The following DUSP22 variants were observed in gnomAD, a reference collection of about 807,000 sequenced individuals.
The protein encoded by DUSP22 is dual specificity protein phosphatase 22.
A neutral mutation model predicts 24.5 loss-of-function variants in DUSP22; 24 were observed. That is an observed-to-expected ratio of 0.98 (90% CI 0.71 to 1.38). The LOEUF is 1.38. Ranked by LOEUF, DUSP22 falls within the 40% of genes most tolerant of loss-of-function variation. DUSP22 has a pLI of 0.00. For synonymous variants in DUSP22, 160 were observed against 106.4 expected, an observed-to-expected ratio of 1.50 and a Z score of -3.10; for missense variants, 330 against 269.2, an observed-to-expected ratio of 1.23 and a Z score of -1.58.
chr6:335,586 A>G (rs1026674877), intron 4 of DUSP22, among the ~76,000 whole-genome samples: 6 of 152,306 alleles, frequency 3.9e-5, no homozygotes, highest in African/African-American at 1.2e-4. Context: ...TAAACAGCAA[A>G]CAGAAACAGA....
At chr6:306,653 A>G (rs1757824700) in intron 2 of DUSP22, among the ~76,000 whole-genome samples, 1 of 152,310 alleles carries the variant, frequency 6.6e-6, no homozygotes, top group African/African-American at 2.4e-5. Context: ...AAGGAATGAG[A>G]GTACAGTGAA....
chr6:304,361 C>G (rs761337869), intron 1 of DUSP22, among the ~76,000 whole-genome samples: 2 of 152,428 alleles, frequency 1.3e-5, no homozygotes, highest in African/African-American at 4.8e-5. Flanking sequence ...GACTTGGACC[C>G]TCAGAATGCC....
At chr6:321,216 T>C (rs956262566) in intron 3 of DUSP22, among the ~76,000 whole-genome samples, 2 of 152,308 alleles carry the variant, frequency 1.3e-5, no homozygotes, top group Non-Finnish European at 2.9e-5. Context: ...GGATGGGGCA[T>C]GCAAGGGAAG....
intron 3 of DUSP22, among the ~76,000 whole-genome samples, chr6:322,830 T>C (rs1052616731): frequency 5.3e-5 from 1 of 18,798 alleles, no homozygotes; most frequent in Non-Finnish European, 1.1e-4. Context: ...GGCTGCTTGG[T>C]GGGGCGGGGG....
chr6:330,281 C>G (rs144753382), intron 3 of DUSP22, among the ~76,000 whole-genome samples: 1 of 152,308 alleles, frequency 6.6e-6, no homozygotes, highest in African/African-American at 2.4e-5. Flanking sequence ...TGCTCTCCCC[C>G]TCCTTGTGTT....
At chr6:308,743 A>G (rs1757937793) in intron 2 of DUSP22, among the ~76,000 whole-genome samples, 2 of 152,430 alleles carry the variant, frequency 1.3e-5, no homozygotes, top group African/African-American at 2.4e-5. Flanking sequence ...GTATGAAACC[A>G]TTGAATCATA....
At chr6:337,800 T>C (rs1019383721) in intron 4 of DUSP22, among the ~76,000 whole-genome samples, 8 of 152,304 alleles carry the variant, frequency 5.3e-5, no homozygotes, top group African/African-American at 1.7e-4. Flanking sequence ...AGTTCTCTCC[T>C]ATCCCAAATA....
At chr6:343,730 G>C (rs1235306218) in intron 4 of DUSP22, among the ~76,000 whole-genome samples, 1 of 18,332 alleles carries the variant, frequency 5.5e-5, no homozygotes, top group East Asian at 1.2e-3. Flanking sequence ...GACAGTTGCT[G>C]CTGTTCCCTG....
intron 5 of DUSP22, among the ~76,000 whole-genome samples, chr6:347,566 G>T (rs1759942426): frequency 6.6e-6 from 1 of 152,304 alleles, no homozygotes; most frequent in African/African-American, 2.4e-5. Context: ...CAGTGTGCCT[G>T]CTCTGTACTC....
Position 349,208 on chromosome 6 carries a change from CGTGT to C in DUSP22, c.*263_*266del, listed in dbSNP as rs1348180164. Reference sequence around the variant, plus strand: ...GGCTGTGCACTGCTCTGTGCACGTGCGTGTGTGTGAGTGCACTTGTGTGTGGGTG... The same window carrying C: ...GGCTGTGCACTGCTCTGTGCACGTGCGTGTGAGTGCACTTGTGTGTGGGTG... On this transcript the variant is annotated 3_prime_UTR_variant, in exon 7 of 7. Coordinates refer to ENST00000419235, the MANE Select transcript of DUSP22 (RefSeq NM_001286555.3). The C allele has an allele frequency of 3.1e-4, 434 of 1,396,928 alleles. No individual in the cohort carries two copies. In the African/African-American group the frequency reaches 5.4e-3, roughly 17 times the overall value. 86.5% of individuals were successfully genotyped at this position (1,396,928 alleles called of 1,614,324 possible).
At position 350,815 on chromosome 6, in the gene DUSP22, T is replaced by G; in HGVS notation, c.*1864T>G. Reference sequence around the variant, plus strand: ...TATTTGTTGCCAGTAATGTTCTTTCTTCACAGCCGCTCCGGGAATTCTGAA... The same window carrying G: ...TATTTGTTGCCAGTAATGTTCTTTCGTCACAGCCGCTCCGGGAATTCTGAA... On this transcript the variant is annotated 3_prime_UTR_variant, in exon 7 of 7. Coordinates refer to ENST00000419235, the MANE Select transcript of DUSP22 (RefSeq NM_001286555.3). The G allele has an allele frequency of 6.2e-7, 1 of 1,614,282 alleles. No individual in the cohort carries two copies. The highest frequency in any genetic ancestry group is 8.5e-7 in the Non-Finnish European group (1 of 1,180,036).
intron 5 of DUSP22, among the ~76,000 whole-genome samples, chr6:347,834 G>A (rs894011606): frequency 2.0e-5 from 3 of 152,306 alleles, no homozygotes; most frequent in Non-Finnish European, 4.4e-5. Context: ...TGAGGAGCAA[G>A]GGAGCATCTG....
At position 349,556 on chromosome 6, in the gene DUSP22, C is replaced by G. The variant is rs1044913908; in HGVS notation, c.*605C>G. On this transcript the variant is annotated 3_prime_UTR_variant, in exon 7 of 7. Coordinates refer to ENST00000419235, the MANE Select transcript of DUSP22 (RefSeq NM_001286555.3). ...GAGCATGGCCTCTCCCAGAACCCACCCAGGGTGGTGTGGTGGGGGCAACAG... is the reference window on the plus strand; with the variant it reads ...GAGCATGGCCTCTCCCAGAACCCACGCAGGGTGGTGTGGTGGGGGCAACAG... 2.0e-6 allele frequency: 2 copies of G among 989,392 alleles called. No homozygotes were observed. The highest frequency in any genetic ancestry group is 4.7e-5 in the South Asian group (1 of 21,500). The allele number at this position is 989,392 out of a possible 1,614,324, so 61.3% of individuals were successfully genotyped here. A position where few individuals can be genotyped will look rare whatever the true frequency, so the allele number is the denominator to read the frequency against.
intron 2 of DUSP22, among the ~76,000 whole-genome samples, chr6:306,589 T>C (rs1437026808): frequency 6.6e-6 from 1 of 152,300 alleles, no homozygotes; most frequent in Non-Finnish European, 1.5e-5. Context: ...TTTTATTCAC[T>C]CGTTAGCCAA....
chr6:301,380 G>T (rs757322443), intron 1 of DUSP22, among the ~76,000 whole-genome samples: 1 of 152,298 alleles, frequency 6.6e-6, no homozygotes, highest in Non-Finnish European at 1.5e-5. Context: ...GACCTGGCTC[G>T]GCTGGACATA....
intron 1 of DUSP22, among the ~76,000 whole-genome samples, chr6:294,811 A>G (rs1434602944): frequency 6.6e-6 from 1 of 152,298 alleles, no homozygotes; most frequent in Non-Finnish European, 1.5e-5. Context: ...AACACAAGGT[A>G]GGGAGGAGTA....
At chr6:322,519 T>A (rs1456048152) in intron 3 of DUSP22, among the ~76,000 whole-genome samples, 1 of 152,290 alleles carries the variant, frequency 6.6e-6, no homozygotes. Context: ...GACCCTCGTG[T>A]TTGGCTGTTT....
chr6:318,821 G>A (rs1233408523), intron 3 of DUSP22, among the ~76,000 whole-genome samples: 2 of 152,308 alleles, frequency 1.3e-5, no homozygotes, highest in African/African-American at 4.8e-5. Flanking sequence ...AGCAGAAGGG[G>A]AGTGGTCAGT....
chr6:334,642 C>A (rs1392435914), intron 3 of DUSP22, among the ~76,000 whole-genome samples: 10 of 152,280 alleles, frequency 6.6e-5, no homozygotes, highest in Admixed American at 1.3e-4. Context: ...GAAATTGTAG[C>A]TGTCATGGTA....
Sources: allele counts gnomAD v4.1 joint callset (sites outside exome capture counted in the v4.1 genomes callset), GRCh38; gene constraint gnomAD v4.1.1; transcripts MANE v1.5; gene names NCBI Gene and HGNC (gene_info 2026-07-23, HGNC 2026-07-21).